ALPL: variants seen among roughly 807,000 people sequenced by gnomAD.
ALPL encodes alkaline phosphatase, tissue-nonspecific isozyme.
ALPL carries 42 observed loss-of-function variants against 51.3 expected under a neutral mutation model. That is an observed-to-expected ratio of 0.82 (90% CI 0.64 to 1.06). The LOEUF is 1.06. Ranked by LOEUF, ALPL falls within the 50% of genes least tolerant of loss-of-function variation. The pLI is 0.00. For synonymous variants in ALPL, 279 were observed against 296.4 expected (o/e 0.94, Z 0.60); for missense variants, 589 against 709.4 (o/e 0.83, Z 1.93).
chr1:21,538,441 C>G (rs1412684817), intron 1 of ALPL, among the ~76,000 whole-genome samples: 1 of 152,220 alleles, frequency 6.6e-6, no homozygotes, highest in Admixed American at 6.5e-5. Context: ...AGCACTGTCT[C>G]TGGGAACACC....
At chr1:21,555,620 G>A (rs1448311289) in intron 2 of ALPL, among the ~76,000 whole-genome samples, 2 of 152,114 alleles carry the variant, frequency 1.3e-5, no homozygotes, top group African/African-American at 4.8e-5. Flanking sequence ...GTTTCATCAT[G>A]TTGGCCAGGC....
intron 8 of ALPL, among the ~76,000 whole-genome samples, chr1:21,571,758 G>A (rs1644653064): frequency 6.6e-6 from 1 of 152,212 alleles, no homozygotes; most frequent in African/African-American, 2.4e-5. Flanking sequence ...GGGAGGCCAA[G>A]GCAGGTTGAT....
intron 11 of ALPL, 146 bp downstream of exon 11, chr1:21,576,787 G>A (rs926073342): frequency 8.8e-7 from 1 of 1,135,152 alleles, no homozygotes; most frequent in Non-Finnish European, 1.2e-6. Flanking sequence ...GTCCCAGGTT[G>A]TTTGATTCAA....
rs1162517040 is a variant in ALPL, at chr1:21,554,495, AT to A, written c.61+366del. Among the ~76,000 whole-genome samples the A allele has an allele frequency of 3.2e-3, 440 of 137,418 alleles. 2 individuals are homozygous for A. The highest frequency in any genetic ancestry group is 9.6e-3 in the African/African-American group (362 of 37,594). 90.2% of individuals were successfully genotyped at this position (137,418 alleles called of 152,430 possible). Reference sequence around the variant, plus strand: ...TATATATTATATATATTCTTTCTTAATTTTTTTTTTTTTGAGACAGGGTTTC... The same window carrying A: ...TATATATTATATATATTCTTTCTTAATTTTTTTTTTTTGAGACAGGGTTTC... On this transcript the variant is annotated intron_variant, in intron 2 of 11. Transcript: ENST00000374840.
chr1:21,567,997 T>G, intron 6 of ALPL, 107 bp from the exon 7 acceptor site: 1 of 1,503,884 alleles, frequency 6.6e-7, no homozygotes, highest in East Asian at 2.3e-5. Flanking sequence ...TGGGAAAGTG[T>G]CCACACCATC....
intron 3 of ALPL, 92 bp downstream of exon 3, chr1:21,560,837 G>C (rs1348321751): frequency 6.6e-7 from 1 of 1,522,372 alleles, no homozygotes; most frequent in African/African-American, 1.4e-5. Context: ...TGTGTTGAAG[G>C]GGCTAGGGCT....
chr1:21,575,981 G>A, intron 10 of ALPL, 57 bp downstream of exon 10: 1 of 1,597,556 alleles, frequency 6.3e-7, no homozygotes. Flanking sequence ...ACCCACCTGG[G>A]AGCAGGAGTG....
At chr1:21,515,141 C>G (rs1204863611) in intron 1 of ALPL, among the ~76,000 whole-genome samples, 2 of 152,182 alleles carry the variant, frequency 1.3e-5, no homozygotes, top group African/African-American at 2.4e-5. Context: ...CTGGCCAGGT[C>G]TGCAAACTGC....
In ALPL at chr1:21,560,727, A is replaced by G. The variant is rs963835902; in HGVS notation, c.163A>G (p.Ile55Val). The G allele has an allele frequency of 5.0e-6, 8 of 1,613,984 alleles. No homozygotes were observed. In the Admixed American group the frequency reaches 6.7e-5, roughly 13 times the overall value. ...KLNTNVAKNVIMFLGDGMGVS... is the reference protein window; with the variant it reads ...KLNTNVAKNVVMFLGDGMGVS... ...CAACACCAACGTGGCTAAGAATGTC[A>G]TCATGTTCCTGGGAGATGGTGAGGC... Residue 55 changes from isoleucine to valine, a missense_variant, in exon 3 of 12, where the codon ATC (isoleucine) becomes GTC (valine). Ile to Val is a conservative substitution (Grantham distance 29). Coordinates refer to ENST00000374840, the MANE Select transcript of ALPL (RefSeq NM_000478.6).
chr1:21,554,691 C>T (rs564660092), intron 2 of ALPL, among the ~76,000 whole-genome samples: 5 of 151,504 alleles, frequency 3.3e-5, no homozygotes, highest in African/African-American at 7.2e-5. Flanking sequence ...GGGGTTTCAC[C>T]GTGTTAGCCA....
chr1:21,519,340 G>A (rs963761183), intron 1 of ALPL, among the ~76,000 whole-genome samples: 1 of 152,228 alleles, frequency 6.6e-6, no homozygotes, highest in Non-Finnish European at 1.5e-5. Flanking sequence ...GCTCAGTGCG[G>A]GGCCCGCGGC....
Position 21,563,256 on chromosome 1 carries a change from CT to C in ALPL, c.445del (p.Ser149ProfsTer16). On this transcript the variant is annotated frameshift_variant, in exon 5 of 12. Coordinates refer to ENST00000374840, the MANE Select transcript of ALPL (RefSeq NM_000478.6). LOFTEE classifies it high-confidence loss of function. ...ACACCACCCAGGGGAACGAGGTCAC[CT>C]CCATCCTGCGCTGGGCCAAGGACGC... ...CNTTQGNEVTSILRWAKDAGK... is the reference protein window; with the variant it reads ...CNTTQGNEVTXILRWAKDAGK... The C allele has an allele frequency of 6.2e-7, 1 of 1,613,314 alleles. No homozygotes were observed. The highest frequency in any genetic ancestry group is 8.5e-7 in the Non-Finnish European group (1 of 1,179,708).
At chr1:21,532,383 G>T (rs1057103301) in intron 1 of ALPL, among the ~76,000 whole-genome samples, 1 of 151,968 alleles carries the variant, frequency 6.6e-6, no homozygotes, top group Non-Finnish European at 1.5e-5. Flanking sequence ...TAGAGATGGG[G>T]TTTCACCATG....
chr1:21,553,677 A>C (rs1644361148), intron 1 of ALPL, among the ~76,000 whole-genome samples: 1 of 152,208 alleles, frequency 6.6e-6, no homozygotes, highest in Non-Finnish European at 1.5e-5. Flanking sequence ...CTGCACCAAA[A>C]GATTGGACTC....
intron 10 of ALPL, 86 bp downstream of exon 10, chr1:21,576,010 C>T (rs1644726773): frequency 6.7e-7 from 1 of 1,501,382 alleles, no homozygotes; most frequent in African/African-American, 1.4e-5. Flanking sequence ...AGCCAGCAAG[C>T]CCAGAGCATG....
At chr1:21,509,021 A>T (rs1352714735), upstream of ALPL, among the ~76,000 whole-genome samples, 1 of 152,068 alleles carries the variant, frequency 6.6e-6, no homozygotes, top group African/African-American at 2.4e-5. This position sits in a 1 kb window ranked among gnomAD's most constrained non-coding sequence, Gnocchi z 6.0. Context: ...AGGCAGACAA[A>T]GAGACGGGTG....
At chr1:21,535,930 CCT>C (rs1558534445) in intron 1 of ALPL, among the ~76,000 whole-genome samples, 1 of 152,172 alleles carries the variant, frequency 6.6e-6, no homozygotes, top group African/African-American at 2.4e-5. Context: ...TCTACTTTCT[CCT>C]CTGAAATGGG....
chr1:21,538,953 C>T (rs74550944), intron 1 of ALPL, among the ~76,000 whole-genome samples: 3,359 of 152,252 alleles, frequency 0.022, 139 homozygotes, highest in African/African-American at 0.075. Flanking sequence ...GGAAGCCCTC[C>T]CACTGGGAAC....
chr1:21,576,660 A>G lies in ALPL; in HGVS notation c.1309+19A>G, dbSNP rs1362288108. 1 of 1,613,112 alleles carries G rather than the reference A, an allele frequency of 6.2e-7. No individual in the cohort carries two copies. Among genetic ancestry groups the G allele is most frequent in the Non-Finnish European group, 8.5e-7 (1 of 1,179,376 alleles). The stretch of plus-strand genomic sequence containing the variant: ...GACTATGGTGAGACCTCCAGGACCC[A>G]GGGCTGGGAGGGGACAGGGCACCCC... On this transcript the variant is annotated intron_variant, in intron 11 of 11. Coordinates refer to ENST00000374840, the MANE Select transcript of ALPL (RefSeq NM_000478.6).
Sources: allele counts gnomAD v4.1 joint callset (sites outside exome capture counted in the v4.1 genomes callset), GRCh38; gene constraint gnomAD v4.1.1; non-coding constraint Gnocchi (gnomAD v3.1); transcripts MANE v1.5; gene names NCBI Gene and HGNC (gene_info 2026-07-23, HGNC 2026-07-21).